Variants in CTNND2 observed in about 807,000 individuals in gnomAD.
CTNND2 encodes the protein catenin delta-2.
CTNND2 carries 22 observed loss-of-function variants against 144.4 expected under a neutral mutation model. The ratio of observed to expected loss-of-function variants is 0.15; its 90% CI spans 0.11 to 0.22. CTNND2 has a LOEUF of 0.22. Among genes scored for constraint, CTNND2 ranks in the 10% least tolerant of loss-of-function variants. The probability of loss-of-function intolerance (pLI) is 1.00; values close to 1 mark genes in which losing one functional copy is unlikely to be tolerated. For missense variants in CTNND2, 1,353 were observed against 1,618.8 expected, an observed-to-expected ratio of 0.84 and a Z score of 2.82; for synonymous variants, 751 against 695.6, an observed-to-expected ratio of 1.08 and a Z score of -1.25.
rs550572748 is a variant in CTNND2 at position 11,189,257 on chromosome 5, A to T, written c.1975+10191T>A. ...TGACCATTAGGAAGAAAGCCATATC[A>T]TAAGGAAGGCTGGTCTATGGCTGTA... On this transcript the variant is annotated intron_variant, in intron 11 of 21. Coordinates refer to ENST00000304623, the MANE Select transcript of CTNND2 (RefSeq NM_001332.4). Among the ~76,000 whole-genome samples the T allele has an allele frequency of 3.3e-5, 5 of 152,344 alleles. 1 individual carries two copies. The East Asian group carries it at 9.6e-4, about 29-fold the overall frequency.
At chr5:11,657,590 T>C (rs1401425778) in intron 2 of CTNND2, among the ~76,000 whole-genome samples, 1 of 152,184 alleles carries the variant, frequency 6.6e-6, no homozygotes, top group Non-Finnish European at 1.5e-5. Flanking sequence ...TAAATAGTGC[T>C]AGTTAATTCT....
intron 9 of CTNND2, among the ~76,000 whole-genome samples, chr5:11,304,989 C>T (rs767272276): frequency 6.6e-6 from 1 of 152,250 alleles, no homozygotes; most frequent in Non-Finnish European, 1.5e-5. Flanking sequence ...GAATGCATCT[C>T]GGCATTGCAT....
intron 16 of CTNND2, among the ~76,000 whole-genome samples, chr5:11,028,764 A>G (rs1035623561): frequency 2.0e-5 from 3 of 152,074 alleles, no homozygotes; most frequent in African/African-American, 7.2e-5. Context: ...GGTGTAGTGC[A>G]CTGGTGCAAT....
intron 18 of CTNND2, among the ~76,000 whole-genome samples, chr5:11,010,925 G>A (rs35619421): frequency 0.051 from 7,776 of 152,284 alleles, 283 homozygotes; most frequent in Non-Finnish European, 0.073. Context: ...CTCTCATCAC[G>A]AAGGCAAGAG....
chr5:11,489,365 C>T (rs1340181741), intron 3 of CTNND2, among the ~76,000 whole-genome samples: 1 of 152,132 alleles, frequency 6.6e-6, no homozygotes, highest in Non-Finnish European at 1.5e-5. Flanking sequence ...TATTCAAGTC[C>T]TTCCATTTTA....
At chr5:11,349,161 TTAAA>T (rs1255382412) in intron 8 of CTNND2, among the ~76,000 whole-genome samples, 3 of 152,156 alleles carry the variant, frequency 2.0e-5, no homozygotes, top group African/African-American at 7.2e-5. Context: ...AGGAAAAGTG[TTAAA>T]TAACTCATAT....
chr5:11,490,176 T>G (rs1486639278), intron 3 of CTNND2, among the ~76,000 whole-genome samples: 1 of 152,198 alleles, frequency 6.6e-6, no homozygotes, highest in Non-Finnish European at 1.5e-5. Context: ...AGAACTCTAG[T>G]CAATGAGATT....
intron 12 of CTNND2, among the ~76,000 whole-genome samples, chr5:11,120,928 G>C (rs1275698647): frequency 1.3e-5 from 2 of 152,190 alleles, no homozygotes; most frequent in African/African-American, 2.4e-5. Context: ...TATCTTAAGA[G>C]AATATTTGAT....
chr5:11,835,817 T>C (rs1794147064), intron 1 of CTNND2, among the ~76,000 whole-genome samples: 1 of 152,192 alleles, frequency 6.6e-6, no homozygotes, highest in South Asian at 2.1e-4. Flanking sequence ...ATTTCTACTA[T>C]TGTCTTTCTT....
At chr5:11,740,186 C>T (rs1268117771) in intron 1 of CTNND2, among the ~76,000 whole-genome samples, 2 of 152,152 alleles carry the variant, frequency 1.3e-5, no homozygotes, top group African/African-American at 4.8e-5. Context: ...TTGGAAAAAA[C>T]TACTTTAAAG....
At chr5:11,575,701 T>C (rs1357115157) in intron 2 of CTNND2, among the ~76,000 whole-genome samples, 1 of 152,134 alleles carries the variant, frequency 6.6e-6, no homozygotes, top group Non-Finnish European at 1.5e-5. Context: ...GGTAACAGCA[T>C]TTTACTTTGT....
intron 2 of CTNND2, among the ~76,000 whole-genome samples, chr5:11,669,880 G>A (rs1156671357): frequency 6.6e-6 from 1 of 152,034 alleles, no homozygotes; most frequent in Non-Finnish European, 1.5e-5. Flanking sequence ...TTCTCTTGTG[G>A]GCATTTAGTG....
At chr5:11,739,731 T>C (rs1787889612) in intron 1 of CTNND2, among the ~76,000 whole-genome samples, 1 of 152,102 alleles carries the variant, frequency 6.6e-6, no homozygotes, top group Non-Finnish European at 1.5e-5. Context: ...GGTATTCAAT[T>C]AGGAAAAGAA....
intron 1 of CTNND2, among the ~76,000 whole-genome samples, chr5:11,898,618 G>A (rs1267326301): frequency 2.6e-5 from 4 of 151,912 alleles, no homozygotes; most frequent in Non-Finnish European, 2.9e-5. Context: ...TAACATTTCT[G>A]TATCATTCAA....
At chr5:11,857,280 A>G (rs1795295212) in intron 1 of CTNND2, among the ~76,000 whole-genome samples, 1 of 152,208 alleles carries the variant, frequency 6.6e-6, no homozygotes, top group South Asian at 2.1e-4. Flanking sequence ...TGCCAGCCAT[A>G]TCAAGGTACA....
chr5:11,068,168 A>G (rs1193939780), intron 16 of CTNND2, among the ~76,000 whole-genome samples: 1 of 152,232 alleles, frequency 6.6e-6, no homozygotes, highest in Non-Finnish European at 1.5e-5. Flanking sequence ...GGAAGAACAC[A>G]GTTTTCCAAA....
intron 16 of CTNND2, among the ~76,000 whole-genome samples, chr5:11,044,112 C>T (rs1744973018): frequency 6.6e-6 from 1 of 152,178 alleles, no homozygotes; most frequent in South Asian, 2.1e-4. Flanking sequence ...TCTGATGGTC[C>T]TGCCTGTCTG....
chr5:11,798,374 T>A (rs574374115), intron 1 of CTNND2, among the ~76,000 whole-genome samples: 2 of 152,222 alleles, frequency 1.3e-5, no homozygotes, highest in Non-Finnish European at 2.9e-5. Flanking sequence ...TTTTCATGTA[T>A]GTTAGACTCT....
At chr5:11,610,508 T>C (rs1780262608) in intron 2 of CTNND2, among the ~76,000 whole-genome samples, 1 of 152,160 alleles carries the variant, frequency 6.6e-6, no homozygotes, top group African/African-American at 2.4e-5. Flanking sequence ...AATTACTATG[T>C]TTTAATGCCA....
Sources: gnomAD v4.1 joint callset for allele counts (sites outside exome capture counted in the v4.1 genomes callset) on GRCh38, gnomAD v4.1.1 for gene constraint, MANE v1.5 for transcripts, NCBI Gene and HGNC (gene_info 2026-07-23, HGNC 2026-07-21) for gene names.